Variants in SCAF4 observed in about 807,000 individuals in gnomAD.
The protein encoded by SCAF4 is SR-related and CTD-associated factor 4.
A neutral mutation model predicts 129.8 loss-of-function variants in SCAF4; 25 were observed. The observed-to-expected ratio is 0.19, with a 90% confidence interval of 0.14 to 0.27. The LOEUF is 0.27. Among genes scored for constraint, SCAF4 ranks in the 10% least tolerant of loss-of-function variants. The probability of loss-of-function intolerance (pLI) is 1.00; values close to 1 mark genes in which losing one functional copy is unlikely to be tolerated. For missense variants in SCAF4, 1,246 were observed against 1,457.1 expected (o/e 0.86, Z 2.36); for synonymous variants, 551 against 497.7 (o/e 1.11, Z -1.43).
In SCAF4 at chr21:31,688,464, T is replaced by C; in HGVS notation, c.1886A>G (p.Asp629Gly). 3.1e-6 allele frequency: 5 copies of C among 1,612,466 alleles called. No homozygotes were observed. The highest frequency in any genetic ancestry group is 3.4e-6 in the Non-Finnish European group (4 of 1,178,938). Residue 629 changes from aspartate to glycine, a missense_variant and splice_region_variant, in exon 16 of 20, where the codon GAT becomes GGT. Asp to Gly is a moderately conservative substitution (Grantham distance 94, BLOSUM62 -1). Transcript: ENST00000286835. ...GMLDSDTLNP[D>G]WKGIPKKPEN... ...AGGCTTCTTAGGAATTCCTTTCCAA[T>C]CTGTGAGCGTGAAAGAAATTTAACA... is the stretch of plus-strand genomic sequence containing the variant.
In SCAF4 at chr21:31,685,626, A is replaced by G. The variant is rs774611355; in HGVS notation, c.2151T>C (p.Pro717=). ...PPPGFGPGVP[P]PPPPPPFLRP... is the part of the protein sequence containing the mutation. ...GCAAAAATGGTGGAGGAGGAGGGGGAGGAGGAACACCAGGACCAAAGCCTG... is the reference window on the plus strand; with the variant it reads ...GCAAAAATGGTGGAGGAGGAGGGGGGGGAGGAACACCAGGACCAAAGCCTG... Residue 717 remains proline, a synonymous_variant, in exon 17 of 20, where the codon CCT becomes CCC. Transcript: ENST00000286835. The G allele has an allele frequency of 6.2e-6, 10 of 1,614,034 alleles. No homozygotes were observed. Among genetic ancestry groups the G allele is most frequent in the Non-Finnish European group, 7.6e-6 (9 of 1,179,998 alleles).
chr21:31,711,686 AGT>A (rs2050802569), intron 1 of SCAF4, among the ~76,000 whole-genome samples: 1 of 152,212 alleles, frequency 6.6e-6, no homozygotes, highest in South Asian at 2.1e-4. Flanking sequence ...CCAGAAGAAT[AGT>A]GTACAGATAG....
At chr21:31,677,662 A>G (rs978773335) in intron 19 of SCAF4, among the ~76,000 whole-genome samples, 2 of 152,174 alleles carry the variant, frequency 1.3e-5, no homozygotes, top group Non-Finnish European at 1.5e-5. Flanking sequence ...TTTCCTGCCT[A>G]GAAACTCTAC....
At chr21:31,684,959 GT>G in intron 19 of SCAF4, 89 bp downstream of exon 19, 3 of 596,080 alleles carry the variant, frequency 5.0e-6, no homozygotes, top group Non-Finnish European at 8.5e-6. Flanking sequence ...AATTAACATT[GT>G]TTTTTTAAAA....
At chr21:31,720,171 C>T (rs975299312) in intron 1 of SCAF4, among the ~76,000 whole-genome samples, 1 of 152,184 alleles carries the variant, frequency 6.6e-6, no homozygotes, top group Non-Finnish European at 1.5e-5. Flanking sequence ...GTGAATTAAA[C>T]ACTTCTTCCT....
At position 31,701,920 on chromosome 21, in the gene SCAF4, T is replaced by TA. The variant is rs775858118; in HGVS notation, c.458-3dup. ...CTTTTACTGGAGGTGGAGGTGAGCC[T>TA]AAAAAAGAAAAGGGCATTAAGGCCT... On this transcript the variant is annotated splice_polypyrimidine_tract_variant and splice_region_variant and intron_variant, in intron 5 of 19. Coordinates refer to ENST00000286835, the MANE Select transcript of SCAF4 (RefSeq NM_020706.2). 2 of 1,612,944 alleles carry TA rather than the reference T, an allele frequency of 1.2e-6. No individual in the cohort carries two copies. The highest frequency in any genetic ancestry group is 1.3e-5 in the African/African-American group (1 of 74,908).
At position 31,692,342 on chromosome 21, in the gene SCAF4, C is replaced by T; in HGVS notation, c.1614+7G>A. ...CATCGTACTTAAAAAACTGAATAAA[C>T]ACTCACATTAATTGATTCAATTGGA... On this transcript the variant is annotated splice_region_variant and intron_variant, in intron 13 of 19. Transcript: ENST00000286835. 6.3e-7 allele frequency: 1 copy of T among 1,596,044 alleles called. No individual in the cohort carries two copies. Among genetic ancestry groups the T allele is most frequent in the Non-Finnish European group, 8.6e-7 (1 of 1,163,658 alleles).
chr21:31,688,753 C>A (rs1248925453), intron 15 of SCAF4, among the ~76,000 whole-genome samples: 1 of 152,134 alleles, frequency 6.6e-6, no homozygotes, highest in East Asian at 1.9e-4. Context: ...ATGAGAAAAG[C>A]AAAGACAGCT....
intron 1 of SCAF4, 141 bp from the exon 2 acceptor site, chr21:31,706,498 C>T: frequency 1.6e-6 from 1 of 617,320 alleles, no homozygotes; most frequent in Non-Finnish European, 2.9e-6. Context: ...GCTAGGGCAG[C>T]AGGAAGAGCT....
chr21:31,731,417 G>A (rs932172947), intron 1 of SCAF4, among the ~76,000 whole-genome samples: 1 of 152,222 alleles, frequency 6.6e-6, no homozygotes, highest in African/African-American at 2.4e-5. Flanking sequence ...CCGCAAGGGG[G>A]CGAGGGGAGA....
At chr21:31,683,132 G>A (rs1004934283) in intron 19 of SCAF4, among the ~76,000 whole-genome samples, 3 of 152,112 alleles carry the variant, frequency 2.0e-5, no homozygotes, top group East Asian at 3.8e-4. Flanking sequence ...GTTTTAGAAC[G>A]AAGATAATCA....
At chr21:31,711,454 A>T (rs2050796696) in intron 1 of SCAF4, among the ~76,000 whole-genome samples, 1 of 152,236 alleles carries the variant, frequency 6.6e-6, no homozygotes, top group Non-Finnish European at 1.5e-5. Flanking sequence ...CCTGGTAAGC[A>T]TGTACATTGA....
At chr21:31,706,128 G>A (rs955752728) in intron 2 of SCAF4, 146 bp downstream of exon 2, 12 of 642,972 alleles carry the variant, frequency 1.9e-5, no homozygotes, top group Non-Finnish European at 2.8e-5. Flanking sequence ...GCAAATGCAC[G>A]CTTATCATGT....
At chr21:31,720,141 T>C (rs965124825) in intron 1 of SCAF4, among the ~76,000 whole-genome samples, 4 of 152,236 alleles carry the variant, frequency 2.6e-5, no homozygotes, top group South Asian at 2.1e-4. Flanking sequence ...CCCCTCACAG[T>C]TGGCTATTAA....
chr21:31,715,926 T>C (rs2050910751), intron 1 of SCAF4, among the ~76,000 whole-genome samples: 1 of 152,206 alleles, frequency 6.6e-6, no homozygotes, highest in South Asian at 2.1e-4. Context: ...ACTTTACAAA[T>C]GGTAGTCTGT....
At chr21:31,710,063 G>C (rs1443881832) in intron 1 of SCAF4, among the ~76,000 whole-genome samples, 1 of 152,102 alleles carries the variant, frequency 6.6e-6, no homozygotes, top group Non-Finnish European at 1.5e-5. Flanking sequence ...AGGCATCTGT[G>C]CCTGCCTGTA....
At chr21:31,681,973 G>A (rs898571085) in intron 19 of SCAF4, among the ~76,000 whole-genome samples, 2 of 152,096 alleles carry the variant, frequency 1.3e-5, no homozygotes, top group South Asian at 2.1e-4. Context: ...GTTAAGTCTC[G>A]CTCACTGGAA....
chr21:31,723,609 G>GTTTTGTGTGTGTGTGT lies in SCAF4; in HGVS notation c.30+8053_30+8054insACACACACACACAAAA, dbSNP rs112184778. The stretch of plus-strand genomic sequence containing the variant: ...TTTAAAAGTCTGGTATGATTTATAT[G>GTTTTGTGTGTGTGTGT]ATGTGTGTGTGTGTGTGTGTGCGCG... On this transcript the variant is annotated intron_variant, in intron 1 of 19. Coordinates refer to ENST00000286835, the MANE Select transcript of SCAF4 (RefSeq NM_020706.2). Among the ~76,000 whole-genome samples the GTTTTGTGTGTGTGTGT allele has an allele frequency of 3.7e-3, 536 of 146,048 alleles. 5 individuals are homozygous for GTTTTGTGTGTGTGTGT. The highest frequency in any genetic ancestry group is 0.013 in the African/African-American group (512 of 40,170).
At position 31,671,403 on chromosome 21, in the gene SCAF4, C is replaced by T. The variant is rs768752418; in HGVS notation, c.3440G>A (p.Arg1147His). The change falls in exon 20 of 20, where the codon CGT (arginine) becomes CAT (histidine). Residue 1147 changes from arginine (R) to histidine (H), a missense_variant. Physicochemically the swap from Arg to His is conservative, Grantham distance 29. Coordinates refer to ENST00000286835, the MANE Select transcript of SCAF4 (RefSeq NM_020706.2). The part of the protein sequence containing the change: ...KDSGSAAEAP[R>H] ...CATTTTCACAAATTCCAGTCTCTAA[C>T]GAGGAGCCTCTGCTGCTGAGCCAGA... 21 of 1,612,792 alleles carry T rather than the reference C, an allele frequency of 1.3e-5. No homozygotes were observed. In the South Asian group the frequency reaches 1.5e-4, roughly 12 times the overall value.
Sources: allele counts gnomAD v4.1 joint callset (sites outside exome capture counted in the v4.1 genomes callset), GRCh38; gene constraint gnomAD v4.1.1; transcripts MANE v1.5; gene names NCBI Gene and HGNC (gene_info 2026-07-23, HGNC 2026-07-21).